The following PRIM2 variants were observed in gnomAD, a reference collection of about 807,000 sequenced individuals.
The protein encoded by PRIM2 is DNA primase large subunit.
Under a neutral mutation model 67.3 loss-of-function variants are expected in PRIM2, and 39 were observed. The ratio of observed to expected loss-of-function variants is 0.58; its 90% CI spans 0.45 to 0.76. The LOEUF is 0.76. PRIM2 is among the 30% of genes least tolerant of loss of function. The probability of loss-of-function intolerance (pLI) is 0.00; values close to 1 mark genes in which losing one functional copy is unlikely to be tolerated. For synonymous variants in PRIM2, 143 were observed against 198.7 expected (o/e 0.72, Z 2.36); for missense variants, 398 against 598.7 (o/e 0.66, Z 3.50).
At chr6:57,366,607 A>C (rs965427732) in intron 5 of PRIM2, among the ~76,000 whole-genome samples, 6 of 152,194 alleles carry the variant, frequency 3.9e-5, no homozygotes, top group Admixed American at 3.3e-4. Context: ...GTAGCAGTCC[A>C]TTTGGACAGT....
At chr6:57,555,333 G>T (rs1372098333) in intron 10 of PRIM2, among the ~76,000 whole-genome samples, 55 of 152,064 alleles carry the variant, frequency 3.6e-4, no homozygotes, top group African/African-American at 1.3e-3. Context: ...AGGCGGGAGC[G>T]CAGTGACATG....
chr6:57,237,653 C>A, the PRIM2 span, among the ~76,000 whole-genome samples: 166 of 152,248 alleles, frequency 1.1e-3, no homozygotes, highest in African/African-American at 3.9e-3. Context: ...GTTTTCCCAG[C>A]ACCATTTATT....
At chr6:57,638,788 G>A (rs1396188523) in intron 13 of PRIM2, among the ~76,000 whole-genome samples, 39 of 152,098 alleles carry the variant, frequency 2.6e-4, no homozygotes, top group African/African-American at 8.7e-4. Flanking sequence ...ACAAAGAGAC[G>A]TAGACACCCG....
At chr6:57,235,540 A>G in the PRIM2 span, among the ~76,000 whole-genome samples, 1 of 152,238 alleles carries the variant, frequency 6.6e-6, no homozygotes, top group Non-Finnish European at 1.5e-5. Context: ...TGCTTCATGC[A>G]AACATAGTGT....
upstream of PRIM2, among the ~76,000 whole-genome samples, chr6:57,311,348 TCCC>T (rs1767385705): frequency 7.0e-6 from 1 of 142,282 alleles, no homozygotes; most frequent in African/African-American, 2.7e-5. Context: ...CCTCACTTCC[TCCC>T]AGACGGGGCG....
chr6:57,358,284 T>C (rs994343546), intron 5 of PRIM2, among the ~76,000 whole-genome samples: 7 of 152,250 alleles, frequency 4.6e-5, no homozygotes, highest in African/African-American at 1.4e-4. Context: ...TGTGTACTTA[T>C]GGACATCAGA....
intron 7 of PRIM2, among the ~76,000 whole-genome samples, chr6:57,446,371 G>A (rs1322727458): frequency 6.8e-6 from 1 of 147,068 alleles, no homozygotes; most frequent in Non-Finnish European, 1.5e-5. Context: ...TCAGATAACT[G>A]GCAGAATTCA....
chr6:57,265,493 A>G, the PRIM2 span, among the ~76,000 whole-genome samples: 1 of 152,116 alleles, frequency 6.6e-6, no homozygotes, highest in African/African-American at 2.4e-5. Flanking sequence ...GGTTTGGGTT[A>G]TTTTTCCATA....
At chr6:57,639,321 C>T (rs1269053299) in intron 13 of PRIM2, among the ~76,000 whole-genome samples, 3 of 151,900 alleles carry the variant, frequency 2.0e-5, no homozygotes, top group African/African-American at 7.3e-5. Context: ...AGTCGACACC[C>T]TAGCATCACA....
chr6:57,379,790 T>G, intron 5 of PRIM2, 111 bp from the exon 6 acceptor site: 1 of 919,492 alleles, frequency 1.1e-6, no homozygotes, highest in Non-Finnish European at 1.5e-6. Flanking sequence ...GATATCAAGG[T>G]TTTAAAATTT....
intron 7 of PRIM2, among the ~76,000 whole-genome samples, chr6:57,416,761 C>T (rs1213542599): frequency 6.6e-6 from 1 of 152,110 alleles, no homozygotes; most frequent in African/African-American, 2.4e-5. Context: ...GAGATGGCTG[C>T]TCTCCTTAAA....
chr6:57,554,270 T>G (rs1775464365), intron 10 of PRIM2, among the ~76,000 whole-genome samples: 1 of 147,124 alleles, frequency 6.8e-6, no homozygotes, highest in Non-Finnish European at 1.5e-5. Context: ...AGACTTAGAT[T>G]TTCACATTCA....
intron 7 of PRIM2, among the ~76,000 whole-genome samples, chr6:57,492,341 G>A (rs1233641467): frequency 6.6e-6 from 1 of 152,102 alleles, no homozygotes; most frequent in South Asian, 2.1e-4. Context: ...TCAGGAGTTT[G>A]AGACCAGCCT....
At chr6:57,478,909 G>A (rs1773547505) in intron 7 of PRIM2, among the ~76,000 whole-genome samples, 1 of 152,226 alleles carries the variant, frequency 6.6e-6, no homozygotes, top group Admixed American at 6.5e-5. Flanking sequence ...CACTTTAGGA[G>A]GCCAAGGTGG....
intron 10 of PRIM2, among the ~76,000 whole-genome samples, chr6:57,555,382 C>T (rs1171301682): frequency 6.6e-6 from 1 of 152,108 alleles, no homozygotes; most frequent in African/African-American, 2.4e-5. Flanking sequence ...CAGCTATGAG[C>T]GATTCTCCTG....
intron 10 of PRIM2, among the ~76,000 whole-genome samples, chr6:57,585,174 G>A (rs1776166823): frequency 6.6e-6 from 1 of 152,126 alleles, no homozygotes; most frequent in South Asian, 2.1e-4. Context: ...AGAAGCTGGA[G>A]GCAAAATATA....
At chr6:57,230,848 T>C in the PRIM2 span, among the ~76,000 whole-genome samples, 1 of 152,152 alleles carries the variant, frequency 6.6e-6, no homozygotes, top group African/African-American at 2.4e-5. Context: ...TTACCTCAAC[T>C]CCCAGGGTTA....
chr6:57,621,740 C>G (rs1776860079), intron 12 of PRIM2, among the ~76,000 whole-genome samples: 1 of 152,110 alleles, frequency 6.6e-6, no homozygotes, highest in African/African-American at 2.4e-5. Context: ...CACAATAATA[C>G]TGGATTTTTA....
At chr6:57,316,236 C>T (rs1215508886), upstream of PRIM2, among the ~76,000 whole-genome samples, 1 of 152,148 alleles carries the variant, frequency 6.6e-6, no homozygotes, top group Non-Finnish European at 1.5e-5. Context: ...ACCAGCTTGC[C>T]AACATGGTGA....
Sources: allele counts gnomAD v4.1 joint callset (sites outside exome capture counted in the v4.1 genomes callset), GRCh38; gene constraint gnomAD v4.1.1; transcripts MANE v1.5; gene names NCBI Gene and HGNC (gene_info 2026-07-23, HGNC 2026-07-21).